The following SMG6 variants were observed in gnomAD, a reference collection of about 807,000 sequenced individuals.
SMG6 encodes the protein telomerase-binding protein EST1A.
In SMG6, 66 loss-of-function variants were observed where a neutral mutation model predicts 142.2. The ratio of observed to expected loss-of-function variants is 0.46; its 90% CI spans 0.38 to 0.57. SMG6 has a LOEUF of 0.57. Among genes scored for constraint, SMG6 ranks in the 20% least tolerant of loss-of-function variants. The pLI is 0.00. For missense variants in SMG6, 1,793 were observed against 1,832.0 expected (o/e 0.98, Z 0.39); for synonymous variants, 779 against 702.4 (o/e 1.11, Z -1.72).
At chr17:2,236,776 T>G in intron 9 of SMG6, 139 bp from the exon 10 acceptor site, 1 of 1,344,016 alleles carries the variant, frequency 7.4e-7, no homozygotes, top group Non-Finnish European at 9.5e-7. Context: ...CCTAGGACAT[T>G]TCTTTGCTAC....
chr17:2,095,977 A>G (rs1374410844), intron 13 of SMG6, among the ~76,000 whole-genome samples: 1 of 152,072 alleles, frequency 6.6e-6, no homozygotes, highest in Non-Finnish European at 1.5e-5. Flanking sequence ...GAAAGTTCAC[A>G]TATTACTCCC....
chr17:2,160,688 G>C (rs745749460), intron 13 of SMG6, among the ~76,000 whole-genome samples: 1 of 152,088 alleles, frequency 6.6e-6, no homozygotes, highest in Non-Finnish European at 1.5e-5. Context: ...AAATTAGCCA[G>C]GTGTGATGGC....
intron 13 of SMG6, among the ~76,000 whole-genome samples, chr17:2,133,113 C>T (rs1285949476): frequency 1.3e-5 from 2 of 151,912 alleles, no homozygotes; most frequent in Admixed American, 6.6e-5. Context: ...GACGTGGTGG[C>T]GCATGCCTGT....
chr17:2,094,508 G>C, intron 13 of SMG6, among the ~76,000 whole-genome samples: 1 of 152,092 alleles, frequency 6.6e-6, no homozygotes, highest in East Asian at 1.9e-4. Context: ...CAAAGTGCTG[G>C]GATTACAGGC....
intron 13 of SMG6, among the ~76,000 whole-genome samples, chr17:2,142,749 G>T (rs988775529): frequency 6.6e-6 from 1 of 151,812 alleles, no homozygotes; most frequent in Non-Finnish European, 1.5e-5. Context: ...TTAGCCAGGC[G>T]TGGTGGCGCA....
Position 2,127,588 on chromosome 17 carries a change from T to C in SMG6, c.3358-41687A>G, listed in dbSNP as rs1481063431. Reference sequence around the variant, plus strand: ...TCTCTGGGTGACGGCCCAATCTTGCTGGGCATGCAATGTCACTATTTCTGT... The same window carrying C: ...TCTCTGGGTGACGGCCCAATCTTGCCGGGCATGCAATGTCACTATTTCTGT... On this transcript the variant is annotated intron_variant, in intron 13 of 18. Coordinates refer to ENST00000263073, the MANE Select transcript of SMG6 (RefSeq NM_017575.5). 5.1e-6 allele frequency: 3 copies of C among 586,274 alleles called. No individual in the cohort carries two copies. In the East Asian group the frequency reaches 1.3e-4, roughly 25 times the overall value. The allele number at this position is 586,274 out of a possible 1,614,324, so 36.3% of individuals were successfully genotyped here. A position where few individuals can be genotyped will look rare whatever the true frequency, so the allele number is the denominator to read the frequency against.
At chr17:2,168,998 G>C (rs1236065863) in intron 13 of SMG6, among the ~76,000 whole-genome samples, 2 of 151,228 alleles carry the variant, frequency 1.3e-5, no homozygotes, top group African/African-American at 4.9e-5. Flanking sequence ...CGCCTGCCTC[G>C]GCCTCCCAAA....
rs35087650 is a variant in SMG6, at chr17:2,155,055, A to ATTTT, written c.3357+17599_3357+17602dup. On this transcript the variant is annotated intron_variant, in intron 13 of 18. Transcript: ENST00000263073. ...AACAAAGTATACTCTGAGAAAAAAA[A>ATTTT]TTTTTTTTTTTTTTTGAGATGGAGT... Among the ~76,000 whole-genome samples the ATTTT allele has an allele frequency of 1.9e-3, 267 of 143,680 alleles. 2 individuals carry two copies. The highest frequency in any genetic ancestry group is 5.8e-3 in the African/African-American group (226 of 38,696). The allele number at this position is 143,680 out of a possible 152,430, so 94.3% of individuals were successfully genotyped here. A position where few individuals can be genotyped will look rare whatever the true frequency, so the allele number is the denominator to read the frequency against.
At chr17:2,208,770 T>G (rs1430804945) in intron 10 of SMG6, among the ~76,000 whole-genome samples, 1 of 152,198 alleles carries the variant, frequency 6.6e-6, no homozygotes, top group African/African-American at 2.4e-5. Flanking sequence ...AGGCATGAAA[T>G]GACGTGAATG....
intron 13 of SMG6, among the ~76,000 whole-genome samples, chr17:2,166,890 T>G (rs568734423): frequency 7.2e-5 from 11 of 152,206 alleles, no homozygotes; most frequent in African/African-American, 2.4e-4. Context: ...TCTGGGAGGC[T>G]GAGGCGGGCA....
chr17:2,206,986 A>AATAGGTTATTTT (rs1432515622), intron 10 of SMG6, among the ~76,000 whole-genome samples: 1 of 151,804 alleles, frequency 6.6e-6, no homozygotes, highest in African/African-American at 2.4e-5. Flanking sequence ...TTAAAATAAC[A>AATAGGTTATTTT]ATAGGTCAGG....
intron 9 of SMG6, among the ~76,000 whole-genome samples, chr17:2,242,211 A>C (rs959513387): frequency 6.6e-6 from 1 of 152,060 alleles, no homozygotes; most frequent in African/African-American, 2.4e-5. Context: ...AGGTGAAAAA[A>C]CGAGAATAAA....
In SMG6 at chr17:2,179,313, C is replaced by T. The variant is rs557062800; in HGVS notation, c.3156-6454G>A. 3.9e-5 allele frequency among the ~76,000 whole-genome samples: 6 copies of T among 152,174 alleles called. No individual in the cohort carries two copies. In the East Asian group the frequency reaches 7.7e-4, roughly 20 times the overall value. ...ATATTAAGTGTCCTTGAAGGGGTGC[C>T]GATTAGCCTTGGGATTAGTTCTTAT... is the stretch of plus-strand genomic sequence containing the variant. On this transcript the variant is annotated intron_variant, in intron 12 of 18. Coordinates refer to ENST00000263073, the MANE Select transcript of SMG6 (RefSeq NM_017575.5).
chr17:2,168,714 TAAA>T (rs1255686208), intron 13 of SMG6, among the ~76,000 whole-genome samples: 1 of 151,948 alleles, frequency 6.6e-6, no homozygotes, highest in African/African-American at 2.4e-5. Flanking sequence ...CCGTCTCTAT[TAAA>T]AAACAACAAA....
chr17:2,172,722 G>A lies in SMG6; in HGVS notation c.3293C>T (p.Ser1098Leu), dbSNP rs751142986. The A allele has an allele frequency of 1.4e-5, 22 of 1,614,030 alleles. No individual in the cohort carries two copies. The highest frequency in any genetic ancestry group is 1.8e-5 in the Non-Finnish European group (21 of 1,180,036). ...LLILEEDRLLSGFVPLLAAPQ... is the reference protein window; with the variant it reads ...LLILEEDRLLLGFVPLLAAPQ... ...GGCAGCCAGCAAGGGGACAAAGCCC[G>A]AGAGAAGCCGATCCTCTTCCAGGAT... Residue 1098 changes from serine (S) to leucine (L), a missense_variant, in exon 13 of 19, where the codon TCG (serine) becomes TTG (leucine). By Grantham distance (145) the Ser-to-Leu change is moderately radical. Around this residue, in one of 3 missense-constraint regions of SMG6, gnomAD observed 1,597 missense variants for 1,584.6 expected, o/e 1.01. Transcript: ENST00000263073.
intron 10 of SMG6, among the ~76,000 whole-genome samples, chr17:2,222,163 G>A (rs72819503): frequency 0.07 from 10,618 of 152,116 alleles, 531 homozygotes; most frequent in South Asian, 0.099. Flanking sequence ...TATAAGCAGG[G>A]AGCTTACATT....
At chr17:2,281,433 CTCTT>C (rs1315559604) in intron 8 of SMG6, among the ~76,000 whole-genome samples, 1 of 152,164 alleles carries the variant, frequency 6.6e-6, no homozygotes, top group South Asian at 2.1e-4. Context: ...CAGACCTTGA[CTCTT>C]TCTTCTCCCT....
In SMG6 at chr17:2,292,873, G is replaced by A. The variant is rs1337875594; in HGVS notation, c.2256C>T (p.Arg752=). 3 of 1,612,234 alleles carry A rather than the reference G, an allele frequency of 1.9e-6. No individual in the cohort carries two copies. The highest frequency in any genetic ancestry group is 2.5e-6 in the Non-Finnish European group (3 of 1,178,408). The change falls in exon 5 of 19, where the codon CGC becomes CGT. Residue 752 remains arginine, a splice_region_variant and synonymous_variant. Transcript: ENST00000263073. ...ASDTANYGKA[R]SWYLKAQHIA... Reference sequence around the variant, plus strand: ...TAACGAAGCAGAGGTAAAAGTACCTGCGTGCTTTCCCATAATTCGCTGTAT... The same window carrying A: ...TAACGAAGCAGAGGTAAAAGTACCTACGTGCTTTCCCATAATTCGCTGTAT...
chr17:2,189,789 TACTGGGTGTAAG>T (rs2072103236), intron 10 of SMG6, among the ~76,000 whole-genome samples: 1 of 151,742 alleles, frequency 6.6e-6, no homozygotes, highest in East Asian at 1.9e-4. Flanking sequence ...CTTCTGAAAG[TACTGGGTGTAAG>T]AAGGAGCAGG....
Sources: allele counts gnomAD v4.1 joint callset (sites outside exome capture counted in the v4.1 genomes callset), GRCh38; gene constraint gnomAD v4.1.1; regional missense constraint gnomAD v4.1.1; transcripts MANE v1.5; gene names NCBI Gene and HGNC (gene_info 2026-07-23, HGNC 2026-07-21).